Variants in FHIP2A observed in about 807,000 individuals in gnomAD.
FHIP2A encodes family with sequence similarity 160 member B1.
In FHIP2A, 46 loss-of-function variants were observed where a neutral mutation model predicts 93.5. The observed-to-expected ratio is 0.49, with a 90% CI of 0.39 to 0.63. The LOEUF is 0.63. FHIP2A is among the 20% of genes least tolerant of loss of function. The pLI is 0.00. For synonymous variants in FHIP2A, 332 were observed against 326.5 expected (o/e 1.02, Z -0.18); for missense variants, 769 against 909.7 (o/e 0.85, Z 1.99).
chr10:114,897,861 A>C (rs988293485), intron 16 of FHIP2A, among the ~76,000 whole-genome samples: 1 of 152,210 alleles, frequency 6.6e-6, no homozygotes, highest in African/African-American at 2.4e-5. Flanking sequence ...GTGAGCCATG[A>C]TTGCGCCACT....
intron 16 of FHIP2A, among the ~76,000 whole-genome samples, chr10:114,897,296 C>T (rs536718607): frequency 2.0e-5 from 3 of 152,280 alleles, no homozygotes; most frequent in South Asian, 2.1e-4. Context: ...CTCGTTCCAG[C>T]CAATGGAAAC....
chr10:114,863,057 G>T lies in FHIP2A; in HGVS notation c.*1517G>T. ...ACAGAATATCAAAAGATTATGAATA[G>T]CCTCAGCTCTAGAATGCTTACCACT... On this transcript the variant is annotated 3_prime_UTR_variant, in exon 17 of 17. Transcript: ENST00000369248. The T allele has an allele frequency of 2.0e-6, 2 of 984,532 alleles. No homozygotes were observed. The highest frequency in any genetic ancestry group is 2.4e-6 in the Non-Finnish European group (2 of 829,106). The allele number at this position is 984,532 out of a possible 1,614,324, so 61.0% of individuals were successfully genotyped here.
chr10:114,831,200 T>C (rs751481032), intron 2 of FHIP2A, among the ~76,000 whole-genome samples: 2 of 152,052 alleles, frequency 1.3e-5, no homozygotes, highest in Non-Finnish European at 2.9e-5. Flanking sequence ...TATGTATTGA[T>C]TGGGAGGAGG....
chr10:114,868,276 C>T (rs2083840578), downstream of FHIP2A, among the ~76,000 whole-genome samples: 1 of 151,866 alleles, frequency 6.6e-6, no homozygotes, highest in South Asian at 2.1e-4. Context: ...ACCACCTGAG[C>T]TCTGCCTCCT....
intron 16 of FHIP2A, among the ~76,000 whole-genome samples, chr10:114,875,418 G>A (rs1372190321): frequency 1.3e-5 from 2 of 152,184 alleles, no homozygotes; most frequent in African/African-American, 2.4e-5. Context: ...ATGGGACCGG[G>A]CGCAGTGGCT....
intron 16 of FHIP2A, among the ~76,000 whole-genome samples, chr10:114,885,403 A>G (rs1268034344): frequency 1.3e-5 from 2 of 151,902 alleles, no homozygotes; most frequent in Non-Finnish European, 2.9e-5. Context: ...CTGAGAAAAA[A>G]AAAAAAAAGA....
At position 114,855,704 on chromosome 10, in the gene FHIP2A, C is replaced by T. The variant is rs141405003; in HGVS notation, c.1947+364C>T. ...GCTCAATTTGGAAGACCTTAAATGT[C>T]ATTTCAGATTGAATCTTGAACACTG... On this transcript the variant is annotated intron_variant, in intron 14 of 16. Transcript: ENST00000369248. Among the ~76,000 whole-genome samples the T allele has an allele frequency of 3.4e-3, 514 of 152,256 alleles. 3 individuals carry two copies. Among genetic ancestry groups the T allele is most frequent in the Non-Finnish European group, 5.5e-3 (371 of 68,018 alleles).
At chr10:114,888,002 G>A (rs1204505308) in intron 16 of FHIP2A, among the ~76,000 whole-genome samples, 1 of 152,212 alleles carries the variant, frequency 6.6e-6, no homozygotes, top group East Asian at 1.9e-4. Context: ...GAGGAAAGGA[G>A]AGGGACATCA....
intron 12 of FHIP2A, among the ~76,000 whole-genome samples, chr10:114,847,771 G>T (rs2083710814): frequency 7.3e-6 from 1 of 137,124 alleles, no homozygotes; most frequent in African/African-American, 2.7e-5. Context: ...TTTTGAGACA[G>T]AGTCTCACTG....
At chr10:114,836,952 A>T in intron 5 of FHIP2A, among the ~76,000 whole-genome samples, 1 of 151,776 alleles carries the variant, frequency 6.6e-6, no homozygotes, top group Non-Finnish European at 1.5e-5. Flanking sequence ...CCCAGGCTGG[A>T]GTATGGGGGC....
chr10:114,899,535 A>G (rs1283446662), exon 17 of FHIP2A: 1 of 718,232 alleles, frequency 1.4e-6, no homozygotes, highest in Non-Finnish European at 2.6e-6. Context: ...AGAGTCTCTT[A>G]TGTCCTCAAA....
At chr10:114,831,145 T>C (rs2083605391) in intron 2 of FHIP2A, among the ~76,000 whole-genome samples, 1 of 152,194 alleles carries the variant, frequency 6.6e-6, no homozygotes, top group Admixed American at 6.5e-5. Context: ...CACTGGGGGA[T>C]AGAACAGTCA....
chr10:114,879,816 G>T (rs993046764), intron 16 of FHIP2A, among the ~76,000 whole-genome samples: 1 of 152,120 alleles, frequency 6.6e-6, no homozygotes, highest in Non-Finnish European at 1.5e-5. Flanking sequence ...AGCTTCCTTC[G>T]AGCCAATATT....
chr10:114,862,864 C>T lies in FHIP2A; in HGVS notation c.*1324C>T, dbSNP rs2083808592. Reference sequence around the variant, plus strand: ...GGGAACAGGCTATCAAAGGTTCCGGCTTGAAGGGAACTGTCACTACCCCCT... The same window carrying T: ...GGGAACAGGCTATCAAAGGTTCCGGTTTGAAGGGAACTGTCACTACCCCCT... On this transcript the variant is annotated 3_prime_UTR_variant, in exon 17 of 17. Transcript: ENST00000369248. 1 of 985,340 alleles carries T rather than the reference C, an allele frequency of 1.0e-6. No individual in the cohort carries two copies. The allele number at this position is 985,340 out of a possible 1,614,324, so 61.0% of individuals were successfully genotyped here.
chr10:114,863,512 G>A lies in FHIP2A; in HGVS notation c.*1972G>A. The A allele has an allele frequency of 8.6e-7, 1 of 1,157,654 alleles. No homozygotes were observed. The highest frequency in any genetic ancestry group is 1.1e-6 in the Non-Finnish European group (1 of 930,494). 71.7% of individuals were successfully genotyped at this position (1,157,654 alleles called of 1,614,324 possible). ...GAAAAGCTTTAACTCTTATATTTGTGTATATGTATGCTGCTTCTGAAAATA... is the reference window on the plus strand; with the variant it reads ...GAAAAGCTTTAACTCTTATATTTGTATATATGTATGCTGCTTCTGAAAATA... On this transcript the variant is annotated 3_prime_UTR_variant, in exon 17 of 17. Transcript: ENST00000369248.
At chr10:114,843,395 T>C (rs1033070507) in intron 6 of FHIP2A, among the ~76,000 whole-genome samples, 169 bp downstream of exon 6, 1 of 151,824 alleles carries the variant, frequency 6.6e-6, no homozygotes, top group Non-Finnish European at 1.5e-5. Context: ...AACCTCCGCC[T>C]CTGGGTTCAA....
intron 2 of FHIP2A, among the ~76,000 whole-genome samples, chr10:114,832,365 G>A (rs2083612455): frequency 6.6e-6 from 1 of 152,042 alleles, no homozygotes; most frequent in African/African-American, 2.4e-5. Context: ...TTTCCTTTTG[G>A]CTTCTCATTG....
chr10:114,832,401 A>G (rs1053783398), intron 2 of FHIP2A, among the ~76,000 whole-genome samples: 1 of 152,200 alleles, frequency 6.6e-6, no homozygotes, highest in South Asian at 2.1e-4. Flanking sequence ...AATTAAGGAC[A>G]TTAAGTGACA....
chr10:114,830,107 T>C (rs764090915), intron 1 of FHIP2A, among the ~76,000 whole-genome samples: 5 of 152,168 alleles, frequency 3.3e-5, no homozygotes, highest in Non-Finnish European at 7.4e-5. Context: ...CTTTGGTATA[T>C]GTTTTAGTAG....
Sources: gnomAD v4.1 joint callset for allele counts (sites outside exome capture counted in the v4.1 genomes callset) on GRCh38, gnomAD v4.1.1 for gene constraint, MANE v1.5 for transcripts, NCBI Gene and HGNC (gene_info 2026-07-23, HGNC 2026-07-21) for gene names.